The following EDEM2 variants were observed in gnomAD, a reference collection of about 807,000 sequenced individuals.
The protein encoded by EDEM2 is ER degradation-enhancing alpha-mannosidase-like protein 2.
EDEM2 carries 39 observed loss-of-function variants against 64.8 expected under a neutral mutation model. The ratio of observed to expected loss-of-function variants is 0.60; its 90% CI spans 0.47 to 0.79. The LOEUF (loss-of-function observed/expected upper bound fraction) is 0.79. Among genes scored for constraint, EDEM2 ranks in the 30% least tolerant of loss-of-function variants. The pLI, the probability that EDEM2 is intolerant of heterozygous loss-of-function variation, is 0.00. For missense variants in EDEM2, 609 were observed against 731.3 expected (o/e 0.83, Z 1.93); for synonymous variants, 296 against 291.5 (o/e 1.02, Z -0.16).
At position 35,131,780 on chromosome 20, in the gene EDEM2, C is replaced by T. The variant is rs200083675; in HGVS notation, c.706G>A (p.Gly236Ser). The T allele has an allele frequency of 1.1e-5, 18 of 1,613,222 alleles. No homozygotes were observed. In the African/African-American group the frequency reaches 1.3e-4, roughly 12 times the overall value. ...CCAGTGAGCACATCAATGTGGTTGCCGACCTGAGAGAGAGAAAGACACACG... is the reference window on the plus strand; with the variant it reads ...CCAGTGAGCACATCAATGTGGTTGCTGACCTGAGAGAGAGAAAGACACACG... ...WESRSDIGLV[G>S]NHIDVLTGKW... is the part of the protein sequence containing the mutation. Residue 236 changes from glycine to serine, a missense_variant, in exon 7 of 11, where the codon GGC (glycine) becomes AGC (serine). Physicochemically the swap from Gly to Ser is moderately conservative, Grantham distance 56. Transcript: ENST00000374492.
At chr20:35,129,167 G>A (rs2085475209) in intron 7 of EDEM2, among the ~76,000 whole-genome samples, 1 of 152,188 alleles carries the variant, frequency 6.6e-6, no homozygotes, top group South Asian at 2.1e-4. Flanking sequence ...AGCACTTTGG[G>A]AGGCCGAGGC....
At chr20:35,121,775 G>A (rs1466427834) in intron 9 of EDEM2, among the ~76,000 whole-genome samples, 1 of 148,520 alleles carries the variant, frequency 6.7e-6, no homozygotes, top group Non-Finnish European at 1.5e-5. Flanking sequence ...ACGCACTCCT[G>A]GATTCCTGAC....
Position 35,145,035 on chromosome 20 carries a change from A to G in EDEM2, c.219-17T>C. The G allele has an allele frequency of 6.2e-7, 1 of 1,613,874 alleles. No individual in the cohort carries two copies. The highest frequency in any genetic ancestry group is 8.5e-7 in the Non-Finnish European group (1 of 1,179,834). On this transcript the variant is annotated splice_polypyrimidine_tract_variant and intron_variant, in intron 2 of 10. Coordinates refer to ENST00000374492, the MANE Select transcript of EDEM2 (RefSeq NM_018217.3). ...AGAGAAAAACTGCAAAAGGACAGAA[A>G]TCCCAGCCGCTTAGTAAGAAAATCA...
intron 7 of EDEM2, 23 bp downstream of exon 7, chr20:35,131,619 C>T (rs1387921463): frequency 1.2e-6 from 2 of 1,604,020 alleles, no homozygotes; most frequent in Non-Finnish European, 1.7e-6. Flanking sequence ...AGGGGAAAAG[C>T]TCCCTTACTC....
rs775184458 is a variant in EDEM2, at chr20:35,142,411, A to T, written c.326T>A (p.Ile109Asn). The T allele has an allele frequency of 6.2e-7, 1 of 1,614,104 alleles. No homozygotes were observed. The highest frequency in any genetic ancestry group is 8.5e-7 in the Non-Finnish European group (1 of 1,180,000). ...TTCAAACACAGAGGCGTTCACATCA[A>T]TATCAAAGTCCACGCTGTCCTGGAG... is the stretch of plus-strand genomic sequence containing the variant. Reference protein sequence around the residue: ...EVLQDSVDFDIDVNASVFETN... With the variant: ...EVLQDSVDFDNDVNASVFETN... Residue 109 changes from isoleucine to asparagine, a missense_variant, in exon 4 of 11, where the codon ATT (isoleucine) becomes AAT (asparagine). By Grantham distance (149) the Ile-to-Asn change is moderately radical. Transcript: ENST00000374492.
At chr20:35,134,664 G>A in intron 6 of EDEM2, 74 bp downstream of exon 6, 1 of 1,551,050 alleles carries the variant, frequency 6.4e-7, no homozygotes, top group Non-Finnish European at 8.8e-7. Flanking sequence ...TCCTTGGCTT[G>A]ACTGCAACTT....
chr20:35,125,670 C>G (rs1600705059), intron 8 of EDEM2, among the ~76,000 whole-genome samples: 1 of 152,302 alleles, frequency 6.6e-6, no homozygotes, highest in South Asian at 2.1e-4. Flanking sequence ...AGGCCTGAGC[C>G]ACCGCGCCCG....
At chr20:35,122,632 C>A (rs2085383322) in intron 9 of EDEM2, among the ~76,000 whole-genome samples, 1 of 152,198 alleles carries the variant, frequency 6.6e-6, no homozygotes, top group African/African-American at 2.4e-5. Flanking sequence ...CCTTGGCCTC[C>A]CAAAGTGCTG....
chr20:35,142,637 GAA>G (rs1244708302), intron 3 of EDEM2, among the ~76,000 whole-genome samples, 159 bp from the exon 4 acceptor site: 1 of 152,174 alleles, frequency 6.6e-6, no homozygotes, highest in African/African-American at 2.4e-5. Context: ...CTGAGAGCTA[GAA>G]ATCATCTAGA....
At position 35,147,315 on chromosome 20, in the gene EDEM2, TC is replaced by T. The variant is rs2085750437; in HGVS notation, c.-58del. 2.8e-6 allele frequency: 4 copies of T among 1,412,614 alleles called. No homozygotes were observed. The East Asian group carries it at 1.1e-4, about 38-fold the overall frequency. The allele number at this position is 1,412,614 out of a possible 1,614,324, so 87.5% of individuals were successfully genotyped here. A position where few individuals can be genotyped will look rare whatever the true frequency, so the allele number is the denominator to read the frequency against. ...AGCAGCAGCCACTGCAACCAGTTCATCCTGGGAGCTGCTGCGGGTTCTTCCG... is the reference window on the plus strand; with the variant it reads ...AGCAGCAGCCACTGCAACCAGTTCATCTGGGAGCTGCTGCGGGTTCTTCCG... On this transcript the variant is annotated 5_prime_UTR_variant, in exon 1 of 11. Coordinates refer to ENST00000374492, the MANE Select transcript of EDEM2 (RefSeq NM_018217.3).
intron 9 of EDEM2, 117 bp from the exon 10 acceptor site, chr20:35,118,836 CA>C (rs1233707700): frequency 5.8e-5 from 81 of 1,407,918 alleles, no homozygotes; most frequent in Non-Finnish European, 6.6e-5. Flanking sequence ...CCCCAACTAG[CA>C]GGAACACAGG....
chr20:35,119,007 A>AT (rs1167326180), intron 9 of EDEM2, among the ~76,000 whole-genome samples: 1 of 152,148 alleles, frequency 6.6e-6, no homozygotes, highest in Non-Finnish European at 1.5e-5. Flanking sequence ...CTAATTCCCA[A>AT]TATCTGTTCC....
chr20:35,139,057 A>G (rs996453815), intron 4 of EDEM2, among the ~76,000 whole-genome samples: 1 of 152,124 alleles, frequency 6.6e-6, no homozygotes, highest in Admixed American at 6.6e-5. Context: ...AAGTCTGATA[A>G]AAGGTCCCTA....
Position 35,123,911 on chromosome 20 carries a change from C to T in EDEM2, c.1093G>A (p.Glu365Lys). 6.2e-7 allele frequency: 1 copy of T among 1,614,100 alleles called. No individual in the cohort carries two copies. The change falls in exon 9 of 11, where the codon GAG becomes AAG. Residue 365 changes from glutamate to lysine, a missense_variant. Glu to Lys is a moderately conservative substitution (Grantham distance 56, BLOSUM62 1). Coordinates refer to ENST00000374492, the MANE Select transcript of EDEM2 (RefSeq NM_018217.3). ...TCACCTGGCCGAAGTGGGTAGCCCT[C>T]TCGCTTCTCCACTGTGTATCCCTGA... is the stretch of plus-strand genomic sequence containing the variant. ...IPQGYTVEKR[E>K]GYPLRPELIE...
chr20:35,144,903 A>C (rs2146117965), intron 3 of EDEM2, 76 bp downstream of exon 3: 1 of 1,520,624 alleles, frequency 6.6e-7, no homozygotes, highest in East Asian at 2.3e-5. Context: ...TTTTTCACCC[A>C]CAGTCACGCT....
At chr20:35,132,577 C>A (rs1026505538) in intron 6 of EDEM2, among the ~76,000 whole-genome samples, 8 of 152,124 alleles carry the variant, frequency 5.3e-5, no homozygotes, top group Non-Finnish European at 1.2e-4. Flanking sequence ...TCACTTGAAC[C>A]CAAGAGGGGG....
At chr20:35,137,294 C>G (rs769939323) in intron 5 of EDEM2, among the ~76,000 whole-genome samples, 6 of 152,186 alleles carry the variant, frequency 3.9e-5, no homozygotes, top group Non-Finnish European at 8.8e-5. Flanking sequence ...TGGCAGGCGC[C>G]TGTAATCCCA....
In EDEM2 at chr20:35,142,335, T is replaced by C. The variant is rs369596170; in HGVS notation, c.364+38A>G. 66 of 1,537,070 alleles carry C rather than the reference T, an allele frequency of 4.3e-5. 1 individual carries two copies. In the Admixed American group the frequency reaches 4.7e-4, roughly 11 times the overall value. Reference sequence around the variant, plus strand: ...TTGGTTTACAGAGGCAACTTCACACTCTTTTTTCTTTTAAAGGTCCTAGAG... The same window carrying C: ...TTGGTTTACAGAGGCAACTTCACACCCTTTTTTCTTTTAAAGGTCCTAGAG... On this transcript the variant is annotated intron_variant, in intron 4 of 10. Coordinates refer to ENST00000374492, the MANE Select transcript of EDEM2 (RefSeq NM_018217.3).
Position 35,134,743 on chromosome 20 carries a change from C to T in EDEM2, c.697G>A (p.Gly233Arg), listed in dbSNP as rs934283960. The T allele has an allele frequency of 5.0e-6, 8 of 1,612,752 alleles. No individual in the cohort carries two copies. The highest frequency in any genetic ancestry group is 1.1e-5 in the South Asian group (1 of 91,004). Residue 233 changes from glycine to arginine, a missense_variant, in exon 6 of 11, where the codon GGG becomes AGG. Transcript: ENST00000374492. ...AAGGGCAGCAGCGAACCTACCAGCC[C>T]GATATCTGACCGGCTCTCCCAGAGG... ...MRLWESRSDI[G>R]LVGNHIDVLT...
Sources: allele counts gnomAD v4.1 joint callset (sites outside exome capture counted in the v4.1 genomes callset), GRCh38; gene constraint gnomAD v4.1.1; transcripts MANE v1.5; gene names NCBI Gene and HGNC (gene_info 2026-07-23, HGNC 2026-07-21).